Variants in TNFRSF9 observed in about 807,000 individuals in gnomAD.
TNFRSF9 encodes tumor necrosis factor receptor superfamily member 9.
Under a neutral mutation model 28.8 loss-of-function variants are expected in TNFRSF9, and 16 were observed. The observed-to-expected ratio is 0.55, with a 90% CI of 0.38 to 0.84. TNFRSF9 has a LOEUF of 0.84. TNFRSF9 is among the 40% of genes least tolerant of loss of function. The pLI is 0.00. For synonymous variants in TNFRSF9, 131 were observed against 117.0 expected, an observed-to-expected ratio of 1.12 and a Z score of -0.77; for missense variants, 303 against 315.0, an observed-to-expected ratio of 0.96 and a Z score of 0.29.
At position 7,915,880 on chromosome 1, in the gene TNFRSF9, C is replaced by G. The variant is rs1354570821; in HGVS notation, c.*4955G>C. On this transcript the variant is annotated 3_prime_UTR_variant, in exon 8 of 8. Coordinates refer to ENST00000377507, the MANE Select transcript of TNFRSF9 (RefSeq NM_001561.6). The stretch of plus-strand genomic sequence containing the variant: ...GCTTTTTAAAATAAGGTCTTTTTTT[C>G]TTATTCTTTTTTTCCTGTGAACATC... 1 of 151,882 alleles carries G rather than the reference C, an allele frequency of 6.6e-6. No homozygotes were observed. Among genetic ancestry groups the G allele is most frequent in the South Asian group, 2.1e-4 (1 of 4,816 alleles). 9.4% of individuals were successfully genotyped at this position (151,882 alleles called of 1,614,324 possible).
At chr1:7,932,703 GCACA>G (rs540062525) in intron 7 of TNFRSF9, among the ~76,000 whole-genome samples, 1 of 144,886 alleles carries the variant, frequency 6.9e-6, no homozygotes, top group African/African-American at 2.6e-5. Context: ...ACACACACAC[GCACA>G]CACACACAGA....
rs1181434655 is a variant in TNFRSF9, at chr1:7,916,190, A to G, written c.*4645T>C. 1 of 152,224 alleles carries G rather than the reference A, an allele frequency of 6.6e-6. No homozygotes were observed. Among genetic ancestry groups the G allele is most frequent in the Non-Finnish European group, 1.5e-5 (1 of 68,038 alleles). 9.4% of individuals were successfully genotyped at this position (152,224 alleles called of 1,614,324 possible). ...GTTTTTAGCATTTAGAAAATGATTT[A>G]TAATTTGTGTATCCCTAAATGTGCT... On this transcript the variant is annotated 3_prime_UTR_variant, in exon 8 of 8. Transcript: ENST00000377507.
intron 7 of TNFRSF9, among the ~76,000 whole-genome samples, chr1:7,925,015 T>C (rs1037393639): frequency 6.6e-6 from 1 of 151,944 alleles, no homozygotes; most frequent in African/African-American, 2.4e-5. Flanking sequence ...TTAAAAAAAA[T>C]TTTTTTTAAG....
intron 7 of TNFRSF9, among the ~76,000 whole-genome samples, chr1:7,923,115 C>T (rs1465364073): frequency 6.6e-6 from 1 of 152,032 alleles, no homozygotes; most frequent in Non-Finnish European, 1.5e-5. Flanking sequence ...ATTGGCCAGG[C>T]TGGTCTCAAA....
chr1:7,933,682 G>C (rs1443104497), intron 6 of TNFRSF9, among the ~76,000 whole-genome samples: 4 of 151,920 alleles, frequency 2.6e-5, no homozygotes, highest in African/African-American at 9.7e-5. Flanking sequence ...GCAACAGAGT[G>C]AGACTCCATC....
chr1:7,924,653 A>G (rs1052349277), intron 7 of TNFRSF9, among the ~76,000 whole-genome samples: 1 of 152,010 alleles, frequency 6.6e-6, no homozygotes, highest in African/African-American at 2.4e-5. Flanking sequence ...ACAAACAAAC[A>G]AACAAAAACC....
chr1:7,937,602 CA>C, intron 5 of TNFRSF9, 87 bp downstream of exon 5: 1 of 1,086,592 alleles, frequency 9.2e-7, no homozygotes, highest in Non-Finnish European at 1.4e-6. Flanking sequence ...TTGATGGGTG[CA>C]AAAAAGCTTC....
chr1:7,926,775 C>A (rs76647096), intron 7 of TNFRSF9, among the ~76,000 whole-genome samples: 30 of 152,142 alleles, frequency 2.0e-4, no homozygotes, highest in Admixed American at 3.9e-4. Flanking sequence ...GATAGCCCCA[C>A]GTAATTGCAG....
chr1:7,935,266 C>A, intron 5 of TNFRSF9, 123 bp from the exon 6 acceptor site: 1 of 1,085,804 alleles, frequency 9.2e-7, no homozygotes, highest in Non-Finnish European at 1.3e-6. Flanking sequence ...GGTCTGGGTT[C>A]GAAAGCGATG....
rs1369573977 is a variant in TNFRSF9 at position 7,926,701 on chromosome 1, C to G, written c.680-5778G>C. 4.6e-5 allele frequency among the ~76,000 whole-genome samples: 7 copies of G among 152,118 alleles called. No individual in the cohort carries two copies. In the South Asian group the frequency reaches 6.2e-4, roughly 14 times the overall value. On this transcript the variant is annotated intron_variant, in intron 7 of 7. Coordinates refer to ENST00000377507, the MANE Select transcript of TNFRSF9 (RefSeq NM_001561.6). Reference sequence around the variant, plus strand: ...AGTATTTATGTATAACTACAGTAATCAAGGCTGTGTGGTATTGGCAGAAGA... The same window carrying G: ...AGTATTTATGTATAACTACAGTAATGAAGGCTGTGTGGTATTGGCAGAAGA...
At chr1:7,927,194 C>T (rs1455790005) in intron 7 of TNFRSF9, among the ~76,000 whole-genome samples, 1 of 152,220 alleles carries the variant, frequency 6.6e-6, no homozygotes, top group Non-Finnish European at 1.5e-5. Context: ...CAAACTCACA[C>T]TGCCCTGCCA....
At chr1:7,937,854 A>C in intron 4 of TNFRSF9, 98 bp from the exon 5 acceptor site, 2 of 1,013,024 alleles carry the variant, frequency 2.0e-6, no homozygotes, top group Non-Finnish European at 3.0e-6. Flanking sequence ...ACCATAATGC[A>C]ATCTGCACAA....
In TNFRSF9 at chr1:7,920,830, C is replaced by G. The variant is rs957311199; in HGVS notation, c.*5G>C. 1 of 1,612,044 alleles carries G rather than the reference C, an allele frequency of 6.2e-7. No homozygotes were observed. The highest frequency in any genetic ancestry group is 8.5e-7 in the Non-Finnish European group (1 of 1,178,284). On this transcript the variant is annotated 3_prime_UTR_variant, in exon 8 of 8. Transcript: ENST00000377507. Reference sequence around the variant, plus strand: ...AAAGTCCCAACAGCCCTATTGACTTCCATTTCACAGTTCACATCCTCCTTC... The same window carrying G: ...AAAGTCCCAACAGCCCTATTGACTTGCATTTCACAGTTCACATCCTCCTTC...
At chr1:7,932,496 T>C (rs1450068586) in intron 7 of TNFRSF9, among the ~76,000 whole-genome samples, 2 of 152,226 alleles carry the variant, frequency 1.3e-5, no homozygotes, top group Non-Finnish European at 2.9e-5. Context: ...TAATCCATAC[T>C]GGTGCTGTAA....
intron 7 of TNFRSF9, among the ~76,000 whole-genome samples, chr1:7,926,731 A>G (rs920090548): frequency 2.5e-4 from 38 of 152,222 alleles, no homozygotes; most frequent in African/African-American, 8.9e-4. Context: ...AGAAGAAGAA[A>G]CACATGGATC....
chr1:7,933,283 C>A lies in TNFRSF9; in HGVS notation c.558G>T (p.Gln186His), dbSNP rs1479121584. The change falls in exon 7 of 8, where the codon CAG becomes CAT. Residue 186 changes from glutamine (Q) to histidine (H), a missense_variant. Physicochemically the swap from Gln to His is conservative, Grantham distance 24 (BLOSUM62 0). Coordinates refer to ENST00000377507, the MANE Select transcript of TNFRSF9 (RefSeq NM_001561.6). ...APAREPGHSP[Q>H]IISFFLALTS... ...TCAGCGCAAGAAAGAAGGAGATGAT[C>A]TGCGGAGAGTGTCCTGCAAAACACA... 1 of 1,613,270 alleles carries A rather than the reference C, an allele frequency of 6.2e-7. No individual in the cohort carries two copies. The highest frequency in any genetic ancestry group is 8.5e-7 in the Non-Finnish European group (1 of 1,179,608).
In TNFRSF9 at chr1:7,938,794, G is replaced by A. The variant is rs893380961; in HGVS notation, c.135C>T (p.Cys45=). Residue 45 remains cysteine, a synonymous_variant, in exon 3 of 8, where the codon TGC becomes TGT. Coordinates refer to ENST00000377507, the MANE Select transcript of TNFRSF9 (RefSeq NM_001561.6). ...TFCDNNRNQI[C]SPCPPNSFSS... ...AGAAACTATTTGGAGGACAGGGACT[G>A]CAAATCTGATTCCTGTTATTATCAC... The A allele has an allele frequency of 3.1e-6, 5 of 1,613,338 alleles. No homozygotes were observed. The highest frequency in any genetic ancestry group is 4.2e-6 in the Non-Finnish European group (5 of 1,179,486).
At position 7,938,182 on chromosome 1, in the gene TNFRSF9, C is replaced by T. The variant is rs371929562; in HGVS notation, c.346+11G>A. On this transcript the variant is annotated intron_variant, in intron 4 of 7. Transcript: ENST00000377507. ...ACAAAACTACACTAGATCAAAGAAA[C>T]GCAAACGTACCTTTTTTTGTCAGTT... 4.5e-4 allele frequency: 701 copies of T among 1,565,530 alleles called. No homozygotes were observed. Among genetic ancestry groups the T allele is most frequent in the Non-Finnish European group, 5.7e-4 (663 of 1,155,088 alleles).
Position 7,917,263 on chromosome 1 carries a change from G to A in TNFRSF9, c.*3572C>T, listed in dbSNP as rs996205893. On this transcript the variant is annotated 3_prime_UTR_variant, in exon 8 of 8. Transcript: ENST00000377507. The stretch of plus-strand genomic sequence containing the variant: ...GACACTTCTGAAGTAGAAAAAGAAG[G>A]TGGAGGGAGATGTCCTACCGGATAT... 6 of 152,212 alleles carry A rather than the reference G, an allele frequency of 3.9e-5. No homozygotes were observed. Among genetic ancestry groups the A allele is most frequent in the African/African-American group, 1.2e-4 (5 of 41,454 alleles). 9.4% of individuals were successfully genotyped at this position (152,212 alleles called of 1,614,324 possible).
Sources: allele counts gnomAD v4.1 joint callset (sites outside exome capture counted in the v4.1 genomes callset), GRCh38; gene constraint gnomAD v4.1.1; transcripts MANE v1.5; gene names NCBI Gene and HGNC (gene_info 2026-07-23, HGNC 2026-07-21).